Variants in MYBL2 observed in about 807,000 individuals in gnomAD.
The protein encoded by MYBL2 is myb-related protein B.
A neutral mutation model predicts 79.9 loss-of-function variants in MYBL2; 28 were observed. The observed-to-expected ratio is 0.35, with a 90% CI of 0.26 to 0.48. The LOEUF (loss-of-function observed/expected upper bound fraction) is 0.48, where lower values mean the gene tolerates loss of function less well. MYBL2 is among the 20% of genes least tolerant of loss of function. The pLI is 0.99. For missense variants in MYBL2, 735 were observed against 893.9 expected (o/e 0.82, Z 2.27); for synonymous variants, 378 against 361.2 (o/e 1.05, Z -0.53).
chr20:43,699,620 A>C, intron 6 of MYBL2, 137 bp from the exon 7 acceptor site: 1 of 931,188 alleles, frequency 1.1e-6, no homozygotes, highest in African/African-American at 1.7e-5. Context: ...TGGTATGGCT[A>C]ATTATTCTGT....
In MYBL2 at chr20:43,711,486, A is replaced by C; in HGVS notation, c.1606-2A>C. 6.2e-7 allele frequency: 1 copy of C among 1,611,250 alleles called. No homozygotes were observed. Among genetic ancestry groups the C allele is most frequent in the Non-Finnish European group, 8.5e-7 (1 of 1,178,706 alleles). On this transcript the variant is annotated splice_acceptor_variant, in intron 10 of 13. Coordinates refer to ENST00000217026, the MANE Select transcript of MYBL2 (RefSeq NM_002466.4). LOFTEE classifies it high-confidence loss of function. ...CGTGGGCTGCCCCGTGCCTACCCAC[A>C]GCCACAGACCCCGCACCTGGAGGAG...
At chr20:43,699,294 C>T (rs551752851) in intron 6 of MYBL2, among the ~76,000 whole-genome samples, 6 of 152,292 alleles carry the variant, frequency 3.9e-5, no homozygotes, top group Non-Finnish European at 8.8e-5. Flanking sequence ...GATCCACCAG[C>T]CTCGACCTCC....
chr20:43,671,019 A>C (rs1986842451), intron 1 of MYBL2, among the ~76,000 whole-genome samples: 1 of 148,736 alleles, frequency 6.7e-6, no homozygotes, highest in Non-Finnish European at 1.5e-5. Context: ...CCCAGGCTGC[A>C]GTGCAGTGGC....
intron 1 of MYBL2, 97 bp downstream of exon 1, chr20:43,667,400 C>A: frequency 1.1e-6 from 1 of 912,266 alleles, no homozygotes; most frequent in Non-Finnish European, 1.4e-6. Flanking sequence ...TCCCACCAAG[C>A]TGGGGTGTGT....
At position 43,681,768 on chromosome 20, in the gene MYBL2, T is replaced by C. The variant is rs1413560737; in HGVS notation, c.115-16T>C. On this transcript the variant is annotated splice_polypyrimidine_tract_variant and intron_variant, in intron 2 of 13. Transcript: ENST00000217026. Reference sequence around the variant, plus strand: ...CACGTATGTGTGCTGAGCCCCTGTCTTTCTGGTGTTGGCAGGACGAGCAGC... The same window carrying C: ...CACGTATGTGTGCTGAGCCCCTGTCCTTCTGGTGTTGGCAGGACGAGCAGC... 6.2e-7 allele frequency: 1 copy of C among 1,614,184 alleles called. No individual in the cohort carries two copies. The highest frequency in any genetic ancestry group is 1.1e-5 in the South Asian group (1 of 91,090).
Position 43,711,473 on chromosome 20 carries a change from C to T in MYBL2, c.1606-15C>T, listed in dbSNP as rs528850435. On this transcript the variant is annotated splice_polypyrimidine_tract_variant and intron_variant, in intron 10 of 13. Transcript: ENST00000217026. ...GTGTGGTGCCTCACGTGGGCTGCCC[C>T]GTGCCTACCCACAGCCACAGACCCC... The T allele has an allele frequency of 2.1e-5, 34 of 1,602,982 alleles. No homozygotes were observed. Among genetic ancestry groups the T allele is most frequent in the South Asian group, 1.9e-4 (17 of 89,834 alleles).
At chr20:43,683,216 C>T (rs561954911) in intron 4 of MYBL2, among the ~76,000 whole-genome samples, 1 of 152,348 alleles carries the variant, frequency 6.6e-6, no homozygotes, top group African/African-American at 2.4e-5. Context: ...CTTGCAGGTT[C>T]TGTACATTTG....
rs531803204 is a variant in MYBL2 at position 43,715,441 on chromosome 20, C to A, written c.1974+158C>A. Reference sequence around the variant, plus strand: ...GCCTGGGTGCTTTTCCTGCTACTTCCCGTGGCTGCATTTGCTTAACTTACT... The same window carrying A: ...GCCTGGGTGCTTTTCCTGCTACTTCACGTGGCTGCATTTGCTTAACTTACT... On this transcript the variant is annotated intron_variant, in intron 13 of 13. Coordinates refer to ENST00000217026, the MANE Select transcript of MYBL2 (RefSeq NM_002466.4). Among the ~76,000 whole-genome samples the A allele has an allele frequency of 4.1e-4, 62 of 152,350 alleles. 1 individual carries two copies. In the South Asian group the frequency reaches 7.7e-3, roughly 19 times the overall value.
intron 9 of MYBL2, among the ~76,000 whole-genome samples, chr20:43,707,182 T>G (rs1407057840): frequency 2.1e-5 from 2 of 95,018 alleles, no homozygotes; most frequent in African/African-American, 3.4e-5. Context: ...CTCTTTCTAG[T>G]TTTTTTTTTT....
intron 5 of MYBL2, among the ~76,000 whole-genome samples, chr20:43,688,812 C>T (rs58815529): frequency 0.073 from 11,028 of 151,740 alleles, 560 homozygotes; most frequent in African/African-American, 0.13. Context: ...TTTTTAAGAC[C>T]GAATTTCGCT....
rs1988032009 is a variant in MYBL2 at position 43,716,258 on chromosome 20, G to T, written c.*171G>T. 2 of 1,005,544 alleles carry T rather than the reference G, an allele frequency of 2.0e-6. No individual in the cohort carries two copies. Among genetic ancestry groups the T allele is most frequent in the Non-Finnish European group, 2.8e-6 (2 of 716,890 alleles). 62.3% of individuals were successfully genotyped at this position (1,005,544 alleles called of 1,614,324 possible). A position where few individuals can be genotyped will look rare whatever the true frequency, so the allele number is the denominator to read the frequency against. On this transcript the variant is annotated 3_prime_UTR_variant, in exon 14 of 14. Transcript: ENST00000217026. ...CAGGGCCATGTGCTGCCCTGTTGCC[G>T]AGCCCAGCTGTGGGCGGCTCCTGGT...
intron 9 of MYBL2, among the ~76,000 whole-genome samples, chr20:43,709,426 A>G (rs947210084): frequency 2.6e-5 from 4 of 152,214 alleles, no homozygotes; most frequent in Non-Finnish European, 5.9e-5. Flanking sequence ...GAAGCATCTT[A>G]TAGTTCTGCT....
At chr20:43,671,463 A>ATTTTTTTTTTT (rs376522569) in intron 1 of MYBL2, among the ~76,000 whole-genome samples, 3 of 70,882 alleles carry the variant, frequency 4.2e-5, no homozygotes, top group Admixed American at 1.8e-4. Context: ...GCTGATTTCC[A>ATTTTTTTTTTT]TTTTTTTTTT....
At chr20:43,704,389 T>A (rs955923613) in intron 8 of MYBL2, among the ~76,000 whole-genome samples, 3 of 152,162 alleles carry the variant, frequency 2.0e-5, no homozygotes, top group Non-Finnish European at 2.9e-5. Flanking sequence ...AGTTGGGACT[T>A]CAGGATGTAA....
chr20:43,676,983 A>G (rs186864717), intron 2 of MYBL2, among the ~76,000 whole-genome samples: 101 of 152,168 alleles, frequency 6.6e-4, no homozygotes, highest in Non-Finnish European at 1.1e-3. Flanking sequence ...GGCTCAAGCA[A>G]TCTTCCTGCC....
chr20:43,707,959 T>C lies in MYBL2; in HGVS notation c.1506-2004T>C, dbSNP rs148668570. On this transcript the variant is annotated intron_variant, in intron 9 of 13. Coordinates refer to ENST00000217026, the MANE Select transcript of MYBL2 (RefSeq NM_002466.4). ...CCATCTTAAGCCATTTCCTTAATCT[T>C]CGGAGAACATGATGGGATTGTTTTC... 1.7e-4 allele frequency among the ~76,000 whole-genome samples: 26 copies of C among 152,322 alleles called. No homozygotes were observed. In the East Asian group the frequency reaches 3.9e-3, roughly 23 times the overall value.
At chr20:43,699,605 G>T (rs1987634362) in intron 6 of MYBL2, 152 bp from the exon 7 acceptor site, 1 of 811,762 alleles carries the variant, frequency 1.2e-6, no homozygotes, top group Non-Finnish European at 1.9e-6. Flanking sequence ...CATTTTGGAA[G>T]TATATGGTAT....
At position 43,705,241 on chromosome 20, in the gene MYBL2, A is replaced by C; in HGVS notation, c.1388A>C (p.Gln463Pro). The change falls in exon 9 of 14, where the codon CAG (glutamine) becomes CCG (proline). Residue 463 changes from glutamine to proline, a missense_variant. Gln to Pro is a moderately conservative substitution (Grantham distance 76). Around this residue, in one of 5 missense-constraint regions of MYBL2, gnomAD observed 243 missense variants for 327.2 expected, o/e 0.74. Transcript: ENST00000217026. Reference sequence around the variant, plus strand: ...CAGTTTCTGAACTTCTGGAACAAACAGGACACATTGGAGCTGGAGAGCCCC... The same window carrying C: ...CAGTTTCTGAACTTCTGGAACAAACCGGACACATTGGAGCTGGAGAGCCCC... ...PSQFLNFWNK[Q>P]DTLELESPSL... The C allele has an allele frequency of 1.9e-6, 3 of 1,614,068 alleles. No individual in the cohort carries two copies. Among genetic ancestry groups the C allele is most frequent in the Non-Finnish European group, 2.5e-6 (3 of 1,179,970 alleles).
intron 1 of MYBL2, among the ~76,000 whole-genome samples, chr20:43,667,947 G>A (rs1341170746): frequency 6.6e-6 from 1 of 152,154 alleles, no homozygotes; most frequent in East Asian, 1.9e-4. Context: ...TGGGGTTGAA[G>A]GTGCGGGGGA....
Sources: allele counts gnomAD v4.1 joint callset (sites outside exome capture counted in the v4.1 genomes callset), GRCh38; gene constraint gnomAD v4.1.1; regional missense constraint gnomAD v4.1.1; transcripts MANE v1.5; gene names NCBI Gene and HGNC (gene_info 2026-07-23, HGNC 2026-07-21).